MAPK9: variants seen among roughly 807,000 people sequenced by gnomAD.
MAPK9 encodes Jun kinase.
Under a neutral mutation model 57.1 loss-of-function variants are expected in MAPK9, and 30 were observed. That is an observed-to-expected ratio of 0.53 (90% CI 0.39 to 0.71). The LOEUF (loss-of-function observed/expected upper bound fraction) is 0.71. MAPK9 is among the 30% of genes least tolerant of loss of function. The pLI is 0.00. For missense variants in MAPK9, 362 were observed against 521.0 expected, an observed-to-expected ratio of 0.69 and a Z score of 2.97; for synonymous variants, 155 against 177.0, an observed-to-expected ratio of 0.88 and a Z score of 0.99.
rs1758251422 is a variant in MAPK9 at position 180,247,643 on chromosome 5, C to T, written c.617-133G>A. The T allele has an allele frequency of 2.1e-6, 2 of 970,374 alleles. No individual in the cohort carries two copies. The highest frequency in any genetic ancestry group is 1.6e-6 in the Non-Finnish European group (1 of 622,044). The allele number at this position is 970,374 out of a possible 1,614,324, so 60.1% of individuals were successfully genotyped here. On this transcript the variant is annotated intron_variant, in intron 6 of 11. Coordinates refer to ENST00000452135, the MANE Select transcript of MAPK9 (RefSeq NM_002752.5). This position sits in a 1 kb window ranked among gnomAD's most constrained non-coding sequence, Gnocchi z 4.5. ...TGCTAGCTAAGGGTGACATTTTACA[C>T]AATATGAATGATTGCTGACCTCTAT... is the stretch of plus-strand genomic sequence containing the variant.
intron 5 of MAPK9, among the ~76,000 whole-genome samples, chr5:180,252,636 T>C (rs1443937286): frequency 6.6e-6 from 1 of 152,088 alleles, no homozygotes; most frequent in Admixed American, 6.5e-5. Context: ...GTGTGGGCGT[T>C]ACTCCACCTG....
At chr5:180,267,767 A>G (rs896028352) in intron 3 of MAPK9, among the ~76,000 whole-genome samples, 1 of 152,094 alleles carries the variant, frequency 6.6e-6, no homozygotes, top group East Asian at 1.9e-4. Flanking sequence ...TGGAGGGCTG[A>G]GGTGGGAGAA....
At position 180,267,535 on chromosome 5, in the gene MAPK9, T is replaced by C. The variant is rs1253519932; in HGVS notation, c.252+1745A>G. 8.6e-3 allele frequency among the ~76,000 whole-genome samples: 1,200 copies of C among 139,348 alleles called. 7 individuals are homozygous for C. Among genetic ancestry groups the C allele is most frequent in the Non-Finnish European group, 0.014 (917 of 65,928 alleles). The allele number at this position is 139,348 out of a possible 152,430, so 91.4% of individuals were successfully genotyped here. On this transcript the variant is annotated intron_variant, in intron 3 of 11. Transcript: ENST00000452135. The stretch of plus-strand genomic sequence containing the variant: ...TGAGATCGCGCCACTGCCCTCCAGG[T>C]TGGGCGACAGAGCGAGACTCCGTCT...
chr5:180,271,066 T>A (rs1483036854), intron 2 of MAPK9, among the ~76,000 whole-genome samples: 6 of 152,120 alleles, frequency 3.9e-5, no homozygotes, highest in Admixed American at 3.9e-4. Context: ...TCAGAAACTT[T>A]TAAAAAGTAT....
At chr5:180,251,834 C>A (rs943597870) in intron 5 of MAPK9, among the ~76,000 whole-genome samples, 3 of 152,142 alleles carry the variant, frequency 2.0e-5, no homozygotes, top group Non-Finnish European at 4.4e-5. Flanking sequence ...ATGAGTGGGG[C>A]AGGTGCTGAC....
In MAPK9 at chr5:180,236,238, C is replaced by A; in HGVS notation, c.*146G>T. 2 of 799,862 alleles carry A rather than the reference C, an allele frequency of 2.5e-6. No individual in the cohort carries two copies. Among genetic ancestry groups the A allele is most frequent in the South Asian group, 4.5e-5 (1 of 22,246 alleles). 49.5% of individuals were successfully genotyped at this position (799,862 alleles called of 1,614,324 possible). A position where few individuals can be genotyped will look rare whatever the true frequency, so the allele number is the denominator to read the frequency against. On this transcript the variant is annotated 3_prime_UTR_variant, in exon 12 of 12. Coordinates refer to ENST00000452135, the MANE Select transcript of MAPK9 (RefSeq NM_002752.5). ...CATTTTATCATCTAAGCAGGCAATC[C>A]TATCAGGTCTGAGTAGGGCAAGGCA...
Position 180,268,436 on chromosome 5 carries a change from C to T in MAPK9, c.252+844G>A, listed in dbSNP as rs114144769. Among the ~76,000 whole-genome samples, 737 of 152,342 alleles carry T rather than the reference C, an allele frequency of 4.8e-3. 6 individuals carry two copies. Among genetic ancestry groups the T allele is most frequent in the African/African-American group, 0.017 (699 of 41,580 alleles). The stretch of plus-strand genomic sequence containing the variant: ...CAATACTGTTCCTATTTTATAGAAA[C>T]AGAGTATCAATTGATATTCCTACTT... On this transcript the variant is annotated intron_variant, in intron 3 of 11. Transcript: ENST00000452135.
Position 180,242,583 on chromosome 5 carries a change from G to A in MAPK9, c.861C>T (p.Asp287=). Residue 287 remains aspartate (D), a synonymous_variant, in exon 8 of 12, where the codon GAC becomes GAT. Transcript: ENST00000452135. ...AAAAGGATATCTTACTTTTTATTTTGTCTCGCTCAGATTCTGATGGGAATA... is the reference window on the plus strand; with the variant it reads ...AAAAGGATATCTTACTTTTTATTTTATCTCGCTCAGATTCTGATGGGAATA... ...DWIFPSESER[D]KIKTSQARDL... The A allele has an allele frequency of 6.2e-7, 1 of 1,609,978 alleles. No individual in the cohort carries two copies. Among genetic ancestry groups the A allele is most frequent in the Non-Finnish European group, 8.5e-7 (1 of 1,178,368 alleles).
intron 5 of MAPK9, among the ~76,000 whole-genome samples, chr5:180,250,082 C>T (rs542056032): frequency 3.3e-5 from 5 of 152,276 alleles, no homozygotes; most frequent in African/African-American, 7.2e-5. Context: ...TCCATCTGTA[C>T]GTGGCACAAA....
intron 1 of MAPK9, among the ~76,000 whole-genome samples, chr5:180,287,235 C>G (rs531047262): frequency 1.2e-4 from 18 of 152,216 alleles, no homozygotes; most frequent in Admixed American, 3.9e-4. Context: ...GGAATTTTCA[C>G]ACGATAAAAA....
At chr5:180,275,893 G>A (rs1202438106) in intron 2 of MAPK9, among the ~76,000 whole-genome samples, 1 of 152,164 alleles carries the variant, frequency 6.6e-6, no homozygotes, top group East Asian at 1.9e-4. Context: ...CAAGATTCAA[G>A]CTACTTTCTA....
chr5:180,238,269 CAA>C (rs878860602), intron 11 of MAPK9, 61 bp downstream of exon 11: 129 of 1,075,478 alleles, frequency 1.2e-4, no homozygotes, highest in Middle Eastern at 2.2e-4. Context: ...AACTCTGTCT[CAA>C]AAAAAAAAAG....
intron 2 of MAPK9, among the ~76,000 whole-genome samples, chr5:180,272,311 A>T (rs1336823273): frequency 1.3e-5 from 2 of 152,210 alleles, no homozygotes; most frequent in African/African-American, 4.8e-5. Flanking sequence ...AAGTTTTCTG[A>T]GTTTAAAATC....
chr5:180,278,795 TTTTC>T (rs935447345), intron 2 of MAPK9, among the ~76,000 whole-genome samples: 1 of 150,682 alleles, frequency 6.6e-6, no homozygotes, highest in Non-Finnish European at 1.5e-5. Context: ...CCTCTCTCCT[TTTTC>T]TCTCTCTCTC....
intron 9 of MAPK9, among the ~76,000 whole-genome samples, chr5:180,240,629 G>A (rs1757567612): frequency 6.6e-6 from 1 of 152,198 alleles, no homozygotes; most frequent in African/African-American, 2.4e-5. Flanking sequence ...TCCTCCAGCG[G>A]GGGAACCAGG....
chr5:180,267,365 TC>T (rs1307197916), intron 3 of MAPK9, among the ~76,000 whole-genome samples: 1 of 151,714 alleles, frequency 6.6e-6, no homozygotes, highest in African/African-American at 2.4e-5. Context: ...ATCGAGACCA[TC>T]CTGGCTAACA....
chr5:180,267,550 A>G (rs1432566634), intron 3 of MAPK9, among the ~76,000 whole-genome samples: 2 of 132,928 alleles, frequency 1.5e-5, no homozygotes, highest in Non-Finnish European at 3.2e-5. Flanking sequence ...CGACAGAGCG[A>G]GACTCCGTCT....
intron 2 of MAPK9, among the ~76,000 whole-genome samples, chr5:180,272,588 G>T (rs1761438017): frequency 1.3e-5 from 2 of 152,074 alleles, no homozygotes; most frequent in African/African-American, 4.8e-5. Context: ...ATGCACCCTG[G>T]AGCTCCCAGT....
chr5:180,237,076 G>A (rs1326558619), intron 11 of MAPK9: 1 of 152,188 alleles, frequency 6.6e-6, no homozygotes, highest in Non-Finnish European at 1.5e-5. Context: ...CCAGAAAACT[G>A]ACATTTTAAT....
Sources: gnomAD v4.1 joint callset for allele counts (sites outside exome capture counted in the v4.1 genomes callset) on GRCh38, gnomAD v4.1.1 for gene constraint, Gnocchi (gnomAD v3.1) non-coding constraint, MANE v1.5 for transcripts, NCBI Gene and HGNC (gene_info 2026-07-23, HGNC 2026-07-21) for gene names.